KIFC3: variants seen among roughly 807,000 people sequenced by gnomAD.
KIFC3 encodes kinesin family member C3, also known as kinesin-like protein KIFC3.
In KIFC3, 60 loss-of-function variants were observed where a neutral mutation model predicts 101.8. The ratio of observed to expected loss-of-function variants is 0.59; its 90% CI spans 0.48 to 0.73. The LOEUF (loss-of-function observed/expected upper bound fraction) is 0.73, where lower values mean the gene tolerates loss of function less well. Ranked by LOEUF, KIFC3 falls within the 30% of genes least tolerant of loss-of-function variation. The pLI, the probability that KIFC3 is intolerant of heterozygous loss-of-function variation, is 0.00. For missense variants in KIFC3, 966 were observed against 1,137.1 expected, an observed-to-expected ratio of 0.85 and a Z score of 2.16; for synonymous variants, 476 against 482.7, an observed-to-expected ratio of 0.99 and a Z score of 0.18.
chr16:57,779,964 G>A (rs1315290880), intron 3 of KIFC3: 1 of 152,212 alleles, frequency 6.6e-6, no homozygotes, highest in Non-Finnish European at 1.5e-5. Context: ...ATGGCGGCAG[G>A]AGAGAGATAG....
intron 1 of KIFC3, among the ~76,000 whole-genome samples, chr16:57,845,730 C>T (rs1042060058): frequency 2.6e-5 from 4 of 152,322 alleles, no homozygotes; most frequent in African/African-American, 9.6e-5. Flanking sequence ...CCTTACTCTG[C>T]TGTTGGATTG....
At position 57,760,172 on chromosome 16, in the gene KIFC3, T is replaced by C. The variant is rs1048918600; in HGVS notation, c.2367+110A>G. 7 of 1,320,232 alleles carry C rather than the reference T, an allele frequency of 5.3e-6. No individual in the cohort carries two copies. The East Asian group carries it at 9.3e-5, about 18-fold the overall frequency. The allele number at this position is 1,320,232 out of a possible 1,614,324, so 81.8% of individuals were successfully genotyped here. On this transcript the variant is annotated intron_variant, in intron 17 of 19. Coordinates refer to ENST00000445690, the MANE Select transcript of KIFC3 (RefSeq NM_001130100.2). ...CGTAGCTCCACCCAACTCCGGCAGC[T>C]TCCCTGCCCCCACTGCTTCAGGACG...
chr16:57,770,505 T>G, intron 7 of KIFC3, 22 bp downstream of exon 7: 1 of 1,367,534 alleles, frequency 7.3e-7, no homozygotes, highest in Non-Finnish European at 9.4e-7. Flanking sequence ...GCTGGGCATG[T>G]GCCCCCACAC....
intron 19 of KIFC3, 27 bp from the exon 20 acceptor site, chr16:57,758,936 C>G: frequency 6.4e-7 from 1 of 1,554,196 alleles, no homozygotes; most frequent in Non-Finnish European, 8.7e-7. Flanking sequence ...TCATCAGCCT[C>G]TTGTCCACTT....
In KIFC3 at chr16:57,760,857, G is replaced by A. The variant is rs782320102; in HGVS notation, c.2101C>T (p.Leu701=). The change falls in exon 16 of 20, where the codon CTG becomes TTG. Residue 701 remains leucine, a synonymous_variant. Coordinates refer to ENST00000445690, the MANE Select transcript of KIFC3 (RefSeq NM_001130100.2). ...GCAATGACGTCCCCCAGAGCCGACA[G>A]CGACTTGTTGATGTGCTGCGCCTCC... The part of the protein sequence containing the change: ...LREAQHINKS[L]SALGDVIAAL... 6.8e-6 allele frequency: 11 copies of A among 1,612,786 alleles called. No homozygotes were observed. The highest frequency in any genetic ancestry group is 9.3e-6 in the Non-Finnish European group (11 of 1,179,968).
At chr16:57,845,874 T>C (rs1336793288) in intron 1 of KIFC3, among the ~76,000 whole-genome samples, 3 of 152,178 alleles carry the variant, frequency 2.0e-5, no homozygotes, top group Non-Finnish European at 2.9e-5. Flanking sequence ...GGTGAAGATC[T>C]TTTTCTACAT....
intron 1 of KIFC3, among the ~76,000 whole-genome samples, chr16:57,840,767 A>C (rs2055788886): frequency 6.7e-6 from 1 of 149,888 alleles, no homozygotes; most frequent in Admixed American, 6.8e-5. Context: ...TCTCAAAAAA[A>C]AAAAAAAAAA....
intron 1 of KIFC3, among the ~76,000 whole-genome samples, chr16:57,824,500 T>C (rs2055419199): frequency 6.6e-6 from 1 of 151,994 alleles, no homozygotes; most frequent in African/African-American, 2.4e-5. Context: ...CTGGGAAACA[T>C]AATGAAACCC....
intron 4 of KIFC3, 142 bp from the exon 5 acceptor site, chr16:57,771,828 A>G (rs2051263973): frequency 3.7e-6 from 4 of 1,090,906 alleles, no homozygotes; most frequent in South Asian, 3.3e-5. Context: ...AAAGAAAAAG[A>G]AAAAGGCAAG....
Position 57,794,504 on chromosome 16 carries a change from G to T in KIFC3, c.315+495C>A, listed in dbSNP as rs147925122. On this transcript the variant is annotated intron_variant, in intron 3 of 19. Transcript: ENST00000445690. Reference sequence around the variant, plus strand: ...GCCTCCCAAAGTGGTGAGATTACAGGCCTGAGCCACCGCGCCTAGCCTTAC... The same window carrying T: ...GCCTCCCAAAGTGGTGAGATTACAGTCCTGAGCCACCGCGCCTAGCCTTAC... Among the ~76,000 whole-genome samples the T allele has an allele frequency of 8.3e-4, 127 of 152,274 alleles. 1 individual carries two copies. The highest frequency in any genetic ancestry group is 3.0e-3 in the African/African-American group (124 of 41,564).
At chr16:57,777,461 C>T (rs2052236751) in intron 3 of KIFC3, among the ~76,000 whole-genome samples, 1 of 152,214 alleles carries the variant, frequency 6.6e-6, no homozygotes, top group African/African-American at 2.4e-5. Context: ...TGGCTCATGC[C>T]TGTAATCCCA....
At chr16:57,775,803 G>T (rs182805040) in intron 3 of KIFC3, 1 of 985,646 alleles carries the variant, frequency 1.0e-6, no homozygotes, top group Non-Finnish European at 1.2e-6. Flanking sequence ...CGGCTGAAAC[G>T]GTCCCAGGAC....
chr16:57,823,664 C>T (rs1568088231), intron 1 of KIFC3, among the ~76,000 whole-genome samples: 1 of 152,130 alleles, frequency 6.6e-6, no homozygotes, highest in Non-Finnish European at 1.5e-5. Context: ...GCGGTCTTGG[C>T]TCACTGCAAC....
intron 1 of KIFC3, among the ~76,000 whole-genome samples, chr16:57,840,488 C>T (rs555302636): frequency 7.9e-5 from 12 of 151,078 alleles, no homozygotes; most frequent in East Asian, 4.0e-4. Flanking sequence ...AGGCTGAGCA[C>T]GGTGGCTCAT....
At chr16:57,798,434 A>T in intron 1 of KIFC3, 152 bp from the exon 2 acceptor site, 2 of 678,216 alleles carry the variant, frequency 2.9e-6, no homozygotes, top group South Asian at 3.4e-5. Flanking sequence ...CAAAGACCCT[A>T]GGGCTCGCAG....
At position 57,845,826 on chromosome 16, in the gene KIFC3, T is replaced by A. The variant is rs575367797; in HGVS notation, c.108+16903A>T. Among the ~76,000 whole-genome samples the A allele has an allele frequency of 4.6e-5, 7 of 152,308 alleles. No homozygotes were observed. In the South Asian group the frequency reaches 1.4e-3, roughly 32 times the overall value. The stretch of plus-strand genomic sequence containing the variant: ...ATGTATTTTTGTGCCTGTTATTTAT[T>A]CCCTGTTTTCCTCTGTGAGGGAGAG... On this transcript the variant is annotated intron_variant, in intron 1 of 2. Coordinates refer to the KIFC3 transcript ENST00000563028.
chr16:57,775,822 C>T lies in KIFC3; in HGVS notation c.316-3534G>A, dbSNP rs558007867. ...TGAAACGGTCCCAGGACAGCATGGACGTCAATCCAGGGCTGAGGACGGACC... is the reference window on the plus strand; with the variant it reads ...TGAAACGGTCCCAGGACAGCATGGATGTCAATCCAGGGCTGAGGACGGACC... On this transcript the variant is annotated intron_variant, in intron 3 of 19. Coordinates refer to ENST00000445690, the MANE Select transcript of KIFC3 (RefSeq NM_001130100.2). 6.9e-4 allele frequency: 680 copies of T among 985,594 alleles called. 1 individual carries two copies. Among genetic ancestry groups the T allele is most frequent in the Non-Finnish European group, 7.7e-4 (636 of 830,078 alleles). 61.1% of individuals were successfully genotyped at this position (985,594 alleles called of 1,614,324 possible). A position where few individuals can be genotyped will look rare whatever the true frequency, so the allele number is the denominator to read the frequency against.
upstream of KIFC3, chr16:57,803,196 A>G: frequency 1.4e-6 from 1 of 733,618 alleles, no homozygotes. Context: ...ATGGTGCAGC[A>G]GTTCCCGGCC....
In KIFC3 at chr16:57,830,376, T is replaced by C. The variant is rs538116045; in HGVS notation, c.109-32094A>G. Reference sequence around the variant, plus strand: ...CCTCAGCCTCTAGAGTAGCTGAGATTACAGGCACCCGCCACCACGCCCGGC... The same window carrying C: ...CCTCAGCCTCTAGAGTAGCTGAGATCACAGGCACCCGCCACCACGCCCGGC... On this transcript the variant is annotated intron_variant, in intron 1 of 2. Transcript: ENST00000563028. Among the ~76,000 whole-genome samples, 33 of 151,986 alleles carry C rather than the reference T, an allele frequency of 2.2e-4. No individual in the cohort carries two copies. In the South Asian group the frequency reaches 6.9e-3, roughly 32 times the overall value.
Sources: allele counts gnomAD v4.1 joint callset (sites outside exome capture counted in the v4.1 genomes callset), GRCh38; gene constraint gnomAD v4.1.1; transcripts MANE v1.5; gene names NCBI Gene and HGNC (gene_info 2026-07-23, HGNC 2026-07-21).